The following ABCA3 variants were observed in gnomAD, a reference collection of about 807,000 sequenced individuals.
ABCA3 encodes the protein ATP binding cassette subfamily A member 3.
In ABCA3, 88 loss-of-function variants were observed where a neutral mutation model predicts 172.8. The ratio of observed to expected loss-of-function variants is 0.51; its 90% CI spans 0.43 to 0.61. The LOEUF (loss-of-function observed/expected upper bound fraction) is 0.61, where lower values mean the gene tolerates loss of function less well. Among genes scored for constraint, ABCA3 ranks in the 20% least tolerant of loss-of-function variants. The probability of loss-of-function intolerance (pLI) is 0.00; values close to 1 mark genes in which losing one functional copy is unlikely to be tolerated. For missense variants in ABCA3, 2,164 were observed against 2,301.0 expected (o/e 0.94, Z 1.22); for synonymous variants, 1,066 against 983.8 (o/e 1.08, Z -1.56).
chr16:2,329,388 G>C (rs771675571), intron 2 of ABCA3, among the ~76,000 whole-genome samples: 7 of 152,188 alleles, frequency 4.6e-5, no homozygotes, highest in Non-Finnish European at 8.8e-5. Flanking sequence ...TCATCCCGGG[G>C]AAGTACACTC....
intron 10 of ABCA3, among the ~76,000 whole-genome samples, chr16:2,310,513 T>C (rs2093705027): frequency 6.6e-6 from 1 of 151,664 alleles, no homozygotes; most frequent in South Asian, 2.1e-4. Flanking sequence ...CAACTTTTTT[T>C]TCTTTCTTTT....
At position 2,286,762 on chromosome 16, in the gene ABCA3, G is replaced by A. The variant is rs201271814; in HGVS notation, c.3210C>T (p.Ala1070=). 5 of 1,613,988 alleles carry A rather than the reference G, an allele frequency of 3.1e-6. No individual in the cohort carries two copies. Residue 1070 remains alanine, a synonymous_variant, in exon 22 of 33, where the codon GCC becomes GCT. Transcript: ENST00000301732. This position sits in a 1 kb window ranked among gnomAD's most constrained non-coding sequence, Gnocchi z 5.2. ...GGGGGAAGTTGGAGACCACAATGGA[G>A]GCGTGAGGCCCGCACAGCAGCTTGA... The part of the protein sequence containing the change: ...LLFKLLCGPH[A]SIVVSNFPQP...
chr16:2,309,227 T>C (rs2093702806), intron 10 of ABCA3, among the ~76,000 whole-genome samples: 1 of 152,082 alleles, frequency 6.6e-6, no homozygotes, highest in African/African-American at 2.4e-5. Flanking sequence ...ATTACAGGCG[T>C]GAGCCACCGT....
intron 12 of ABCA3, among the ~76,000 whole-genome samples, chr16:2,302,367 T>C (rs994849291): frequency 6.6e-6 from 1 of 152,214 alleles, no homozygotes; most frequent in African/African-American, 2.4e-5. Flanking sequence ...TTCATCAATA[T>C]GTTTAGATAA....
At chr16:2,290,660 GCTCGGTC>G (rs2093670636) in intron 19 of ABCA3, among the ~76,000 whole-genome samples, 1 of 152,172 alleles carries the variant, frequency 6.6e-6, no homozygotes, top group African/African-American at 2.4e-5. Context: ...GTCAGTCAGT[GCTCGGTC>G]CTGTGTGGGA....
rs756548934 is a variant in ABCA3, at chr16:2,288,250, G to A, written c.2780C>T (p.Ala927Val). ...AYSWREWKMVAAQVLVPLTCV... is the reference protein window; with the variant it reads ...AYSWREWKMVVAQVLVPLTCV... ...GGTCAGAGGCACCAGGACCTGTGCC[G>A]CCACCATTTTCCACTCGCGCCAGCT... The change falls in exon 21 of 33, where the codon GCG becomes GTG. Residue 927 changes from alanine (A) to valine (V), a missense_variant. Physicochemically the swap from Ala to Val is moderately conservative, Grantham distance 64. Transcript: ENST00000301732. The A allele has an allele frequency of 9.4e-6, 15 of 1,592,572 alleles. No homozygotes were observed. Among genetic ancestry groups the A allele is most frequent in the Admixed American group, 3.5e-5 (2 of 56,826 alleles).
intron 10 of ABCA3, among the ~76,000 whole-genome samples, chr16:2,315,601 A>T (rs192983312): frequency 2.0e-5 from 3 of 152,258 alleles, no homozygotes; most frequent in Admixed American, 2.0e-4. Context: ...GGTACACGAA[A>T]ATCACGTGCA....
intron 1 of ABCA3, among the ~76,000 whole-genome samples, chr16:2,336,533 T>C (rs1170902276): frequency 6.6e-6 from 1 of 150,756 alleles, no homozygotes; most frequent in Non-Finnish European, 1.5e-5. Flanking sequence ...CAGGTTCAAG[T>C]GATTCTCCTG....
Position 2,278,860 on chromosome 16 carries a change from C to T in ABCA3, c.4547+83G>A. 6.3e-7 allele frequency: 1 copy of T among 1,587,502 alleles called. No homozygotes were observed. The highest frequency in any genetic ancestry group is 8.6e-7 in the Non-Finnish European group (1 of 1,162,364). ...ACAAGCAGGAGCTCTGGCTGCTGAC[C>T]TGAGCGGTCACTCCCAGCTCTATGC... On this transcript the variant is annotated intron_variant, in intron 29 of 32. Transcript: ENST00000301732. This position sits in a 1 kb window ranked among gnomAD's most constrained non-coding sequence, Gnocchi z 4.4.
At chr16:2,330,785 G>A (rs754808925) in intron 1 of ABCA3, among the ~76,000 whole-genome samples, 10 of 139,742 alleles carry the variant, frequency 7.2e-5, no homozygotes, top group Admixed American at 4.6e-4. Context: ...TGCAAACTCC[G>A]CCTCCCAGGT....
chr16:2,303,670 G>A (rs1008514471), intron 12 of ABCA3, among the ~76,000 whole-genome samples: 1 of 152,214 alleles, frequency 6.6e-6, no homozygotes, highest in Non-Finnish European at 1.5e-5. Context: ...GAGGTGGGCA[G>A]CAGAGGCTGC....
At chr16:2,334,093 G>C (rs2093747705) in intron 1 of ABCA3, among the ~76,000 whole-genome samples, 1 of 152,212 alleles carries the variant, frequency 6.6e-6, no homozygotes, top group African/African-American at 2.4e-5. Context: ...AGATTCAGGA[G>C]AAGACAGGAA....
chr16:2,340,090 C>G (rs1005445803), intron 1 of ABCA3, among the ~76,000 whole-genome samples: 4 of 152,224 alleles, frequency 2.6e-5, no homozygotes, highest in Admixed American at 6.5e-5. Context: ...AGGCGGAATC[C>G]AACCCGGGCG....
In ABCA3 at chr16:2,295,597, T is replaced by C. The variant is rs770639373; in HGVS notation, c.2407A>G (p.Thr803Ala). 1.2e-6 allele frequency: 2 copies of C among 1,613,252 alleles called. No homozygotes were observed. Among genetic ancestry groups the C allele is most frequent in the African/African-American group, 2.7e-5 (2 of 74,938 alleles). The change falls in exon 18 of 33, where the codon ACG becomes GCG. Residue 803 changes from threonine to alanine, a missense_variant. By Grantham distance (58) the Thr-to-Ala change is moderately conservative. This residue lies in a region of ABCA3 where 1,343 missense variants were observed against 1,369.6 expected (regional missense o/e 0.98). Coordinates refer to ENST00000301732, the MANE Select transcript of ABCA3 (RefSeq NM_001089.3). ...ELSFILPRES[T>A]HRFEGLFAKL... ...CCTCCCTGGGAGGCGTACCTGTGCG[T>C]GCTCTCTCTGGGAAGGATGAAAGAC... is the stretch of plus-strand genomic sequence containing the variant.
rs888904669 is a variant in ABCA3 at position 2,276,052 on chromosome 16, C to T, written c.*622G>A. On this transcript the variant is annotated 3_prime_UTR_variant, in exon 33 of 33. Transcript: ENST00000301732. Reference sequence around the variant, plus strand: ...AGCCTGGCCACCTTCCCTCCTGTGCCGGCTGCTTCTAGGAGATGCTGTGGG... The same window carrying T: ...AGCCTGGCCACCTTCCCTCCTGTGCTGGCTGCTTCTAGGAGATGCTGTGGG... The T allele has an allele frequency of 1.0e-5, 3 of 288,122 alleles. No homozygotes were observed. Among genetic ancestry groups the T allele is most frequent in the African/African-American group, 2.3e-5 (1 of 44,368 alleles). The allele number at this position is 288,122 out of a possible 1,614,324, so 17.8% of individuals were successfully genotyped here. A position where few individuals can be genotyped will look rare whatever the true frequency, so the allele number is the denominator to read the frequency against.
chr16:2,319,712 G>A lies in ABCA3; in HGVS notation c.742C>T (p.Pro248Ser), dbSNP rs2093722707. ...LTVTIKRFPY[P>S]PFIADPFLVA... Reference sequence around the variant, plus strand: ...AGGAAGGGGTCTGCGATGAACGGCGGGTACGGGAACCTCTTGATGGTCACC... The same window carrying A: ...AGGAAGGGGTCTGCGATGAACGGCGAGTACGGGAACCTCTTGATGGTCACC... Residue 248 changes from proline (P) to serine (S), a missense_variant, in exon 8 of 33, where the codon CCG becomes TCG. Pro to Ser is a moderately conservative substitution (Grantham distance 74). Coordinates refer to ENST00000301732, the MANE Select transcript of ABCA3 (RefSeq NM_001089.3). The A allele has an allele frequency of 6.2e-7, 1 of 1,613,798 alleles. No individual in the cohort carries two copies. The highest frequency in any genetic ancestry group is 8.5e-7 in the Non-Finnish European group (1 of 1,180,030).
Position 2,281,207 on chromosome 16 carries a change from C to A in ABCA3, c.4179G>T (p.Arg1393=). 1 of 1,613,552 alleles carries A rather than the reference C, an allele frequency of 6.2e-7. No homozygotes were observed. Among genetic ancestry groups the A allele is most frequent in the Non-Finnish European group, 8.5e-7 (1 of 1,179,994 alleles). ...GCCTGTCCACGGCCAGGAGGGGCAC[C>A]CGCTGCTCGTACACCTGCAGGCACC... The part of the protein sequence containing the change: ...IKELSKVYEQ[R]VPLLAVDRLS... Residue 1393 remains arginine, a synonymous_variant, in exon 28 of 33, where the codon CGG becomes CGT. Coordinates refer to ENST00000301732, the MANE Select transcript of ABCA3 (RefSeq NM_001089.3). The surrounding 1 kb of genome is among the most constrained non-coding windows in gnomAD (Gnocchi z 4.7).
At chr16:2,336,456 G>A (rs181198828) in intron 1 of ABCA3, among the ~76,000 whole-genome samples, 1 of 150,594 alleles carries the variant, frequency 6.6e-6, no homozygotes, top group Non-Finnish European at 1.5e-5. Context: ...TTGAGACAGA[G>A]TTTCACTCTT....
intron 5 of ABCA3, 88 bp downstream of exon 5, chr16:2,325,922 G>T: frequency 6.3e-7 from 1 of 1,583,932 alleles, no homozygotes; most frequent in Non-Finnish European, 8.6e-7. Context: ...TCACCCAGCT[G>T]CTTCGCACAT....
Sources: gnomAD v4.1 joint callset for allele counts (sites outside exome capture counted in the v4.1 genomes callset) on GRCh38, gnomAD v4.1.1 for gene constraint, gnomAD v4.1.1 regional missense constraint, Gnocchi (gnomAD v3.1) non-coding constraint, MANE v1.5 for transcripts, NCBI Gene and HGNC (gene_info 2026-07-23, HGNC 2026-07-21) for gene names.